LRBA: variants seen among roughly 807,000 people sequenced by gnomAD.
LRBA encodes LPS responsive beige-like anchor protein, also known as lipopolysaccharide-responsive and beige-like anchor protein.
LRBA carries 176 observed loss-of-function variants against 330.0 expected under a neutral mutation model. The ratio of observed to expected loss-of-function variants is 0.53; its 90% confidence interval spans 0.47 to 0.60. The LOEUF is 0.60. LRBA is among the 20% of genes least tolerant of loss of function. LRBA has a pLI of 0.00. For missense variants in LRBA, 3,259 were observed against 3,444.8 expected (o/e 0.95, Z 1.35); for synonymous variants, 1,230 against 1,193.0 (o/e 1.03, Z -0.64).
In LRBA at chr4:150,513,759, C is replaced by T. The variant is rs561713091; in HGVS notation, c.6331-22724G>A. Reference sequence around the variant, plus strand: ...GGCCAAAGTCCTATCAGATTGGGGCCGCATCCTTATGACCTCATTTACTCT... The same window carrying T: ...GGCCAAAGTCCTATCAGATTGGGGCTGCATCCTTATGACCTCATTTACTCT... On this transcript the variant is annotated intron_variant, in intron 40 of 56. Coordinates refer to ENST00000651943, the MANE Select transcript of LRBA (RefSeq NM_001364905.1). Among the ~76,000 whole-genome samples, 4 of 152,246 alleles carry T rather than the reference C, an allele frequency of 2.6e-5. No homozygotes were observed. In the South Asian group the frequency reaches 6.2e-4, roughly 24 times the overall value.
At chr4:150,625,941 C>T (rs1051854528) in intron 37 of LRBA, among the ~76,000 whole-genome samples, 1 of 151,892 alleles carries the variant, frequency 6.6e-6, no homozygotes, top group African/African-American at 2.4e-5. Flanking sequence ...AACTCCTGAC[C>T]TCAGCCCCCC....
intron 40 of LRBA, among the ~76,000 whole-genome samples, chr4:150,549,550 C>A (rs1209683559): frequency 6.6e-6 from 1 of 152,162 alleles, no homozygotes; most frequent in Non-Finnish European, 1.5e-5. Context: ...CCAGGATGGT[C>A]TCGAACTCCT....
chr4:150,668,709 A>G (rs2126856418), intron 37 of LRBA, among the ~76,000 whole-genome samples: 1 of 152,374 alleles, frequency 6.6e-6, no homozygotes, highest in South Asian at 2.1e-4. Flanking sequence ...ATAAGTTAGA[A>G]GGGAAAGATT....
At chr4:150,880,383 G>A (rs1728227337) in intron 17 of LRBA, among the ~76,000 whole-genome samples, 1 of 152,238 alleles carries the variant, frequency 6.6e-6, no homozygotes, top group African/African-American at 2.4e-5. Flanking sequence ...ATCTGGGCAT[G>A]GTGGCACATG....
intron 40 of LRBA, among the ~76,000 whole-genome samples, chr4:150,587,053 C>T (rs1222969742): frequency 1.3e-5 from 2 of 152,124 alleles, no homozygotes; most frequent in Non-Finnish European, 2.9e-5. Flanking sequence ...CAGTTTCATA[C>T]AATCTACCAA....
chr4:150,639,931 A>C (rs1282564114), intron 37 of LRBA, among the ~76,000 whole-genome samples: 1 of 137,274 alleles, frequency 7.3e-6, no homozygotes, highest in Non-Finnish European at 1.5e-5. Context: ...ATCTCTGCTC[A>C]CTGCAACCTC....
intron 40 of LRBA, among the ~76,000 whole-genome samples, chr4:150,518,889 G>A (rs1762634841): frequency 6.6e-6 from 1 of 152,086 alleles, no homozygotes; most frequent in Admixed American, 6.6e-5. Context: ...CTAATTTTCT[G>A]GGGTACTGTG....
intron 36 of LRBA, among the ~76,000 whole-genome samples, chr4:150,685,550 C>T (rs191181091): frequency 1.7e-4 from 25 of 146,800 alleles, no homozygotes; most frequent in Admixed American, 3.4e-4. Context: ...TCTCCTGCCT[C>T]GACCTCCCGA....
chr4:150,288,478 G>A (rs764207175), intron 53 of LRBA, among the ~76,000 whole-genome samples: 5 of 152,072 alleles, frequency 3.3e-5, no homozygotes, highest in Non-Finnish European at 7.4e-5. Context: ...GCGTGGTGGT[G>A]TGCACCTCTA....
chr4:150,475,999 C>A (rs1756660998), intron 42 of LRBA, among the ~76,000 whole-genome samples: 1 of 151,716 alleles, frequency 6.6e-6, no homozygotes, highest in South Asian at 2.1e-4. Flanking sequence ...TAATTTGTGT[C>A]ATCTTTCATG....
chr4:150,835,021 A>G (rs992887694), intron 28 of LRBA, among the ~76,000 whole-genome samples: 1 of 152,154 alleles, frequency 6.6e-6, no homozygotes. Context: ...CTTTCTACAT[A>G]TGGCTAGCTA....
chr4:150,849,307 T>C, intron 25 of LRBA, 115 bp downstream of exon 25: 2 of 888,792 alleles, frequency 2.3e-6, no homozygotes, highest in South Asian at 3.4e-5. Context: ...GATCCTATTG[T>C]TTTTTATTTA....
chr4:150,482,812 T>G (rs1321363887), intron 42 of LRBA, among the ~76,000 whole-genome samples: 2 of 152,118 alleles, frequency 1.3e-5, no homozygotes, highest in Non-Finnish European at 2.9e-5. Context: ...GTTTATTCGG[T>G]ATCTATATCT....
At chr4:150,768,974 G>T (rs1442857923) in intron 34 of LRBA, among the ~76,000 whole-genome samples, 3 of 108,274 alleles carry the variant, frequency 2.8e-5, no homozygotes, top group Non-Finnish European at 5.1e-5. Context: ...GTCTCACTCT[G>T]TCACCCAGGC....
At chr4:150,380,909 G>C (rs1581161687) in intron 47 of LRBA, among the ~76,000 whole-genome samples, 1 of 149,510 alleles carries the variant, frequency 6.7e-6, no homozygotes, top group African/African-American at 2.5e-5. Flanking sequence ...TTGAACTGGG[G>C]AGGCGGGGGT....
intron 34 of LRBA, among the ~76,000 whole-genome samples, chr4:150,792,028 C>A (rs376577633): frequency 3.1e-3 from 142 of 46,284 alleles, no homozygotes; most frequent in South Asian, 6.9e-3. Flanking sequence ...GGCTCCATCT[C>A]AAAAAAAAAA....
intron 4 of LRBA, among the ~76,000 whole-genome samples, chr4:150,926,009 A>G (rs1415943332): frequency 2.0e-5 from 3 of 152,180 alleles, no homozygotes; most frequent in Non-Finnish European, 2.9e-5. Context: ...GTCAATTTCC[A>G]TATCATTGCA....
At chr4:150,545,115 G>C (rs1193767422) in intron 40 of LRBA, among the ~76,000 whole-genome samples, 3 of 152,056 alleles carry the variant, frequency 2.0e-5, no homozygotes, top group Non-Finnish European at 4.4e-5. Flanking sequence ...ATAAAATTAT[G>C]CTCATGAAAG....
chr4:150,455,463 T>C (rs1753946503), intron 44 of LRBA, among the ~76,000 whole-genome samples: 1 of 152,078 alleles, frequency 6.6e-6, no homozygotes, highest in South Asian at 2.1e-4. Flanking sequence ...TAAAAAATGA[T>C]GAGTTCATGT....
Sources: gnomAD v4.1 joint callset for allele counts (sites outside exome capture counted in the v4.1 genomes callset) on GRCh38, gnomAD v4.1.1 for gene constraint, MANE v1.5 for transcripts, NCBI Gene and HGNC (gene_info 2026-07-23, HGNC 2026-07-21) for gene names.